GPHN: variants seen among roughly 807,000 people sequenced by gnomAD.
GPHN encodes the protein gephyrin.
A neutral mutation model predicts 95.5 loss-of-function variants in GPHN; 17 were observed. The ratio of observed to expected loss-of-function variants is 0.18; its 90% CI spans 0.12 to 0.27. GPHN has a LOEUF of 0.27. Ranked by LOEUF, GPHN falls within the 10% of genes least tolerant of loss-of-function variation. GPHN has a pLI of 1.00. For synonymous variants in GPHN, 320 were observed against 322.5 expected, an observed-to-expected ratio of 0.99 and a Z score of 0.08; for missense variants, 660 against 978.1, an observed-to-expected ratio of 0.67 and a Z score of 4.34.
chr14:66,836,623 C>A (rs1275087818), intron 4 of GPHN, among the ~76,000 whole-genome samples: 2 of 140,134 alleles, frequency 1.4e-5, no homozygotes, highest in African/African-American at 2.9e-5. Context: ...AGCTTCTGCA[C>A]AGCAAAAGAA....
intron 9 of GPHN, among the ~76,000 whole-genome samples, chr14:66,997,860 C>G (rs2071925504): frequency 6.6e-6 from 1 of 152,134 alleles, no homozygotes; most frequent in East Asian, 1.9e-4. Flanking sequence ...TTAGTATCAA[C>G]AAAGACATTT....
chr14:67,575,863 A>G, the GPHN span: 1 of 1,613,948 alleles, frequency 6.2e-7, no homozygotes, highest in Non-Finnish European at 8.5e-7. Context: ...GCGCACATAG[A>G]GGAAGTAGAT....
the GPHN span, chr14:67,380,899 A>G: frequency 4.8e-5 from 22 of 458,242 alleles, no homozygotes; most frequent in Non-Finnish European, 7.7e-5. Context: ...TTTTATAACA[A>G]AAGCTTAAGA....
chr14:67,627,259 A>ATG, the GPHN span, among the ~76,000 whole-genome samples: 2 of 103,758 alleles, frequency 1.9e-5, no homozygotes, highest in Non-Finnish European at 2.0e-5. Flanking sequence ...GTAAGGAGAT[A>ATG]TATATATATA....
chr14:67,727,345 C>A, the GPHN span: 1 of 714,612 alleles, frequency 1.4e-6, no homozygotes, highest in Admixed American at 2.1e-5. Flanking sequence ...AAACAGAGTG[C>A]TTGCCCCCAG....
At chr14:67,595,381 T>TCAAA in the GPHN span, among the ~76,000 whole-genome samples, 1 of 152,190 alleles carries the variant, frequency 6.6e-6, no homozygotes, top group African/African-American at 2.4e-5. Context: ...AAATCCTAAG[T>TCAAA]CAAACCATCG....
the GPHN span, among the ~76,000 whole-genome samples, chr14:67,497,889 T>A: frequency 6.6e-6 from 1 of 152,094 alleles, no homozygotes; most frequent in East Asian, 1.9e-4. Context: ...TCTGACTGCA[T>A]CCTTCTGCCT....
chr14:66,949,993 G>GGA (rs2067997356), intron 8 of GPHN, among the ~76,000 whole-genome samples: 1 of 57,818 alleles, frequency 1.7e-5, no homozygotes, highest in Non-Finnish European at 3.9e-5. Flanking sequence ...TTTAGGACAG[G>GGA]AAAAAAAAAA....
At chr14:66,752,367 A>G (rs963680320) in intron 2 of GPHN, among the ~76,000 whole-genome samples, 1 of 152,082 alleles carries the variant, frequency 6.6e-6, no homozygotes, top group Non-Finnish European at 1.5e-5. Context: ...TCTCTAGCTT[A>G]TTCATTTCTA....
the GPHN span, among the ~76,000 whole-genome samples, chr14:67,187,705 C>T: frequency 1.3e-5 from 2 of 152,180 alleles, no homozygotes; most frequent in South Asian, 2.1e-4. Context: ...CTTTATGTAA[C>T]ACCAGACCAT....
intron 12 of GPHN, among the ~76,000 whole-genome samples, chr14:67,090,957 A>G (rs2077123301): frequency 6.6e-6 from 1 of 151,858 alleles, no homozygotes; most frequent in Non-Finnish European, 1.5e-5. Flanking sequence ...TTAGTAAACT[A>G]CCTGGCACAC....
At chr14:67,286,899 C>G in the GPHN span, among the ~76,000 whole-genome samples, 4 of 147,340 alleles carry the variant, frequency 2.7e-5, no homozygotes, top group Non-Finnish European at 6.0e-5. Flanking sequence ...TTGAATAATA[C>G]GTATTTGTGA....
chr14:67,655,643 G>A, the GPHN span, among the ~76,000 whole-genome samples: 1 of 151,888 alleles, frequency 6.6e-6, no homozygotes, highest in Non-Finnish European at 1.5e-5. Context: ...AAACAGCCTT[G>A]GCTCTAAATA....
intron 1 of GPHN, among the ~76,000 whole-genome samples, chr14:66,669,086 G>T (rs577951963): frequency 6.6e-6 from 1 of 151,914 alleles, no homozygotes; most frequent in African/African-American, 2.4e-5. Context: ...ATTTCCAGCC[G>T]GGCATGGTGG....
intron 1 of GPHN, among the ~76,000 whole-genome samples, chr14:66,597,838 A>G (rs899148887): frequency 2.0e-5 from 3 of 152,178 alleles, no homozygotes; most frequent in Non-Finnish European, 4.4e-5. Flanking sequence ...TTCCATGTTC[A>G]TTGTGGCGTT....
intron 1 of GPHN, among the ~76,000 whole-genome samples, chr14:66,608,281 T>C (rs78949318): frequency 6.6e-6 from 1 of 152,238 alleles, no homozygotes; most frequent in East Asian, 1.9e-4. Flanking sequence ...CCTTTTCATG[T>C]ATATGTGTAG....
chr14:66,793,247 C>G (rs1200466872), intron 3 of GPHN, among the ~76,000 whole-genome samples: 1 of 152,206 alleles, frequency 6.6e-6, no homozygotes, highest in South Asian at 2.1e-4. Context: ...ATTTCTTGTC[C>G]TTTTTCTCCT....
At chr14:67,678,215 C>T in the GPHN span, 3 of 753,232 alleles carry the variant, frequency 4.0e-6, no homozygotes. Context: ...GAAGGTTTTG[C>T]TCTCTTTGTG....
chr14:67,557,837 T>C, the GPHN span, among the ~76,000 whole-genome samples: 4 of 152,250 alleles, frequency 2.6e-5, no homozygotes, highest in African/African-American at 4.8e-5. Context: ...AGGAGAACTT[T>C]TCTTTCTCCA....
Sources: gnomAD v4.1 joint callset for allele counts (sites outside exome capture counted in the v4.1 genomes callset) on GRCh38, gnomAD v4.1.1 for gene constraint, MANE v1.5 for transcripts, NCBI Gene and HGNC (gene_info 2026-07-23, HGNC 2026-07-21) for gene names.